The following ROBO1 variants were observed in gnomAD, a reference collection of about 807,000 sequenced individuals.
The protein encoded by ROBO1 is roundabout guidance receptor 1.
A neutral mutation model predicts 195.9 loss-of-function variants in ROBO1; 149 were observed. The observed-to-expected ratio is 0.76, with a 90% CI of 0.67 to 0.87. ROBO1 has a LOEUF of 0.87. Among genes scored for constraint, ROBO1 ranks in the 40% least tolerant of loss-of-function variants. The pLI, the probability that ROBO1 is intolerant of heterozygous loss-of-function variation, is 0.00. For missense variants in ROBO1, 1,933 were observed against 2,068.3 expected, an observed-to-expected ratio of 0.93 and a Z score of 1.27; for synonymous variants, 816 against 733.2, an observed-to-expected ratio of 1.11 and a Z score of -1.82.
chr3:78,707,901 G>T (rs1290461562), intron 8 of ROBO1, among the ~76,000 whole-genome samples: 1 of 152,116 alleles, frequency 6.6e-6, no homozygotes, highest in Non-Finnish European at 1.5e-5. Flanking sequence ...ACAAAAATGG[G>T]ATTGGATTTT....
chr3:79,299,833 A>T (rs2032804835), intron 2 of ROBO1, among the ~76,000 whole-genome samples: 1 of 151,748 alleles, frequency 6.6e-6, no homozygotes, highest in Non-Finnish European at 1.5e-5. Flanking sequence ...TTAAATATCA[A>T]CTCAAGAAAC....
At chr3:79,010,625 A>G (rs1299244138) in intron 3 of ROBO1, among the ~76,000 whole-genome samples, 1 of 152,128 alleles carries the variant, frequency 6.6e-6, no homozygotes, top group Non-Finnish European at 1.5e-5. Flanking sequence ...AAACACATAT[A>G]TTTATTTATC....
chr3:78,659,925 T>C (rs1463203297), intron 16 of ROBO1, 118 bp from the exon 17 acceptor site: 2 of 525,254 alleles, frequency 3.8e-6, no homozygotes, highest in Non-Finnish European at 5.7e-6. Flanking sequence ...ATGCTTTTTT[T>C]TTTTTTTTTT....
intron 2 of ROBO1, among the ~76,000 whole-genome samples, chr3:79,331,652 T>C (rs2034442301): frequency 7.1e-6 from 1 of 139,862 alleles, no homozygotes; most frequent in African/African-American, 2.9e-5. Context: ...TTGTAAATTA[T>C]TGCAGAAAAA....
intron 4 of ROBO1, among the ~76,000 whole-genome samples, chr3:78,812,672 G>GT (rs895769254): frequency 6.6e-6 from 1 of 151,976 alleles, no homozygotes; most frequent in Non-Finnish European, 1.5e-5. Context: ...ACTATAAACA[G>GT]TAAGAGCAGG....
chr3:79,030,135 T>C (rs908877836), intron 3 of ROBO1, among the ~76,000 whole-genome samples: 17 of 152,220 alleles, frequency 1.1e-4, no homozygotes, highest in African/African-American at 4.1e-4. Context: ...CATTTCCTAA[T>C]GGAAACCGGC....
intron 1 of ROBO1, among the ~76,000 whole-genome samples, chr3:79,641,906 C>A (rs1243511940): frequency 6.6e-6 from 1 of 152,056 alleles, no homozygotes; most frequent in Non-Finnish European, 1.5e-5. Context: ...GTAGTCCCAG[C>A]TATTCAGGAG....
Position 79,696,767 on chromosome 3 carries a change from T to C in ROBO1, c.-51+70985A>G, listed in dbSNP as rs185865602. On this transcript the variant is annotated intron_variant, in intron 1 of 30. Transcript: ENST00000464233. ...TACTTTCTCATAGACTGTCATCACT[T>C]CAAAAATGACAGTGAAAAAAGTGGC... Among the ~76,000 whole-genome samples, 1,112 of 151,504 alleles carry C rather than the reference T, an allele frequency of 7.3e-3. 13 individuals carry two copies. Among genetic ancestry groups the C allele is most frequent in the African/African-American group, 0.024 (999 of 41,458 alleles).
intron 3 of ROBO1, among the ~76,000 whole-genome samples, chr3:79,035,480 G>A (rs1345266519): frequency 6.6e-6 from 1 of 152,086 alleles, no homozygotes; most frequent in Non-Finnish European, 1.5e-5. Context: ...GGCACTTTGG[G>A]AGGCCCAGGC....
At chr3:79,690,910 A>G (rs996389727) in intron 1 of ROBO1, among the ~76,000 whole-genome samples, 1 of 151,944 alleles carries the variant, frequency 6.6e-6, no homozygotes, top group African/African-American at 2.4e-5. Flanking sequence ...AGCATTGGGT[A>G]GTAACTCTTA....
intron 1 of ROBO1, among the ~76,000 whole-genome samples, chr3:79,704,094 A>C (rs1366292748): frequency 6.6e-6 from 1 of 151,920 alleles, no homozygotes; most frequent in African/African-American, 2.4e-5. Context: ...GGTTAACAGC[A>C]ATATTGAGAC....
intron 1 of ROBO1, among the ~76,000 whole-genome samples, chr3:79,602,372 G>T (rs371658829): frequency 3.3e-5 from 5 of 152,106 alleles, no homozygotes; most frequent in Non-Finnish European, 4.4e-5. Context: ...ACTGTCAATT[G>T]TGTTGCGTGC....
intron 2 of ROBO1, among the ~76,000 whole-genome samples, chr3:79,138,516 A>C (rs1421846574): frequency 6.6e-6 from 1 of 152,018 alleles, no homozygotes; most frequent in Non-Finnish European, 1.5e-5. Flanking sequence ...CAGTATGGTA[A>C]ATTACTATTT....
intron 4 of ROBO1, among the ~76,000 whole-genome samples, chr3:78,816,770 C>T (rs571879280): frequency 6.6e-6 from 1 of 152,032 alleles, no homozygotes; most frequent in Non-Finnish European, 1.5e-5. Context: ...CCTGATGATG[C>T]GACTGAATTG....
intron 2 of ROBO1, among the ~76,000 whole-genome samples, chr3:79,220,022 G>T (rs1425745744): frequency 6.6e-6 from 1 of 151,892 alleles, no homozygotes; most frequent in Non-Finnish European, 1.5e-5. Flanking sequence ...TAGAAATGAT[G>T]CAACAATTAT....
intron 4 of ROBO1, among the ~76,000 whole-genome samples, chr3:78,747,440 T>A (rs933110962): frequency 5.3e-5 from 8 of 152,194 alleles, no homozygotes; most frequent in Non-Finnish European, 1.0e-4. Context: ...ATATGCTCAA[T>A]ATAAAAACTT....
intron 2 of ROBO1, among the ~76,000 whole-genome samples, chr3:79,574,351 C>G (rs1943378497): frequency 6.6e-6 from 1 of 151,870 alleles, no homozygotes; most frequent in Non-Finnish European, 1.5e-5. Context: ...GCACCTAACC[C>G]TTTTCCTAGC....
chr3:78,960,820 AC>A (rs2041303496), intron 3 of ROBO1, among the ~76,000 whole-genome samples: 1 of 151,670 alleles, frequency 6.6e-6, no homozygotes, highest in African/African-American at 2.4e-5. Context: ...ACACACACAC[AC>A]ACACACACAC....
intron 3 of ROBO1, among the ~76,000 whole-genome samples, chr3:78,959,508 A>G (rs1215949839): frequency 6.6e-6 from 1 of 152,236 alleles, no homozygotes; most frequent in Non-Finnish European, 1.5e-5. Flanking sequence ...AATGAATGGA[A>G]GTAAAATTAT....
Sources: gnomAD v4.1 joint callset for allele counts (sites outside exome capture counted in the v4.1 genomes callset) on GRCh38, gnomAD v4.1.1 for gene constraint, MANE v1.5 for transcripts, NCBI Gene and HGNC (gene_info 2026-07-23, HGNC 2026-07-21) for gene names.